Variants in ZNF143 observed in about 807,000 individuals in gnomAD.
The protein encoded by ZNF143 is zinc finger protein 143.
ZNF143 carries 49 observed loss-of-function variants against 74.1 expected under a neutral mutation model. That is an observed-to-expected ratio of 0.66 (90% CI 0.53 to 0.84). ZNF143 has a LOEUF of 0.84. Ranked by LOEUF, ZNF143 falls within the 40% of genes least tolerant of loss-of-function variation. The probability of loss-of-function intolerance (pLI) is 0.00; values close to 1 mark genes in which losing one functional copy is unlikely to be tolerated. For synonymous variants in ZNF143, 304 were observed against 282.8 expected (o/e 1.07, Z -0.75); for missense variants, 637 against 793.4 (o/e 0.80, Z 2.37).
At chr11:9,473,588 T>C (rs1856712936) in intron 3 of ZNF143, among the ~76,000 whole-genome samples, 1 of 152,158 alleles carries the variant, frequency 6.6e-6, no homozygotes, top group South Asian at 2.1e-4. Context: ...TACACTGACA[T>C]AATCTGTCTG....
chr11:9,486,402 T>TATAA (rs1259574052), intron 7 of ZNF143, among the ~76,000 whole-genome samples: 4 of 26,534 alleles, frequency 1.5e-4, no homozygotes, highest in East Asian at 1.9e-3. Context: ...ATATAATATA[T>TATAA]TATATATATA....
At chr11:9,507,106 C>G (rs1258288314) in intron 11 of ZNF143, among the ~76,000 whole-genome samples, 3 of 152,122 alleles carry the variant, frequency 2.0e-5, no homozygotes, top group Non-Finnish European at 4.4e-5. Flanking sequence ...GAAGAAATCG[C>G]CAATTACTTT....
chr11:9,486,396 AATATATTATATATATAATATATATT>A (rs1847507974), intron 7 of ZNF143, among the ~76,000 whole-genome samples: 4 of 11,920 alleles, frequency 3.4e-4, no homozygotes, highest in African/African-American at 8.7e-4. Context: ...TAATATATAT[AATATATTATATATATAATATATATT>A]ATATATATTA....
chr11:9,479,516 T>G lies in ZNF143; in HGVS notation c.615T>G (p.Ile205Met). Residue 205 changes from isoleucine to methionine, a missense_variant, in exon 7 of 16, where the codon ATT (isoleucine) becomes ATG (methionine). Coordinates refer to ENST00000396602, the MANE Select transcript of ZNF143 (RefSeq NM_003442.6). ...GSESVAGTGMIGENEQEKKMQ... is the reference protein window; with the variant it reads ...GSESVAGTGMMGENEQEKKMQ... ...AAAGTGTAGCAGGTACTGGAATGAT[T>G]GGAGAAAATGAGCAAGAGAAAAAAA... 1 of 1,613,408 alleles carries G rather than the reference T, an allele frequency of 6.2e-7. No homozygotes were observed. The highest frequency in any genetic ancestry group is 8.5e-7 in the Non-Finnish European group (1 of 1,179,814).
chr11:9,474,798 A>G (rs1406021340), intron 5 of ZNF143, among the ~76,000 whole-genome samples, 165 bp downstream of exon 5: 1 of 152,266 alleles, frequency 6.6e-6, no homozygotes, highest in East Asian at 1.9e-4. Flanking sequence ...AAATTTTCCT[A>G]CAATTTGAGC....
At chr11:9,461,325 CT>C (rs1855819924) in intron 1 of ZNF143, among the ~76,000 whole-genome samples, 1 of 152,192 alleles carries the variant, frequency 6.6e-6, no homozygotes, top group African/African-American at 2.4e-5. Context: ...CTCCCCCCAG[CT>C]TGTCTCTGAG....
At chr11:9,472,567 G>T in intron 2 of ZNF143, 110 bp from the exon 3 acceptor site, 33 of 907,522 alleles carry the variant, frequency 3.6e-5, no homozygotes, top group Middle Eastern at 3.2e-4. Flanking sequence ...ATCTCATTTT[G>T]AGTCTGAGTT....
At position 9,512,675 on chromosome 11, in the gene ZNF143, G is replaced by C; in HGVS notation, c.1524+79G>C. 5.7e-6 allele frequency: 9 copies of C among 1,570,292 alleles called. No homozygotes were observed. The South Asian group carries it at 1.0e-4, about 18-fold the overall frequency. ...GAAAGGCAGGCTGGGTCCCCATTGA[G>C]GAAAGCTTTGAAATATCAGGGCACA... On this transcript the variant is annotated intron_variant, in intron 13 of 15. Coordinates refer to ENST00000396602, the MANE Select transcript of ZNF143 (RefSeq NM_003442.6).
chr11:9,465,901 T>C (rs1215286793), intron 1 of ZNF143, among the ~76,000 whole-genome samples: 1 of 152,028 alleles, frequency 6.6e-6, no homozygotes, highest in Non-Finnish European at 1.5e-5. Context: ...CACAGCTCAC[T>C]GCAGCCTCTA....
chr11:9,489,738 C>T (rs1302610262), intron 7 of ZNF143, among the ~76,000 whole-genome samples: 1 of 152,198 alleles, frequency 6.6e-6, no homozygotes, highest in Non-Finnish European at 1.5e-5. Context: ...ACTTTCATTT[C>T]ATAGTGCTGT....
chr11:9,486,389 TA>T lies in ZNF143; in HGVS notation c.645+6844del, dbSNP rs1847502136. The stretch of plus-strand genomic sequence containing the variant: ...TATATATAATATATTATATATATAA[TA>T]TATATAATATATTATATATATAATA... On this transcript the variant is annotated intron_variant, in intron 7 of 15. Coordinates refer to ENST00000396602, the MANE Select transcript of ZNF143 (RefSeq NM_003442.6). Among the ~76,000 whole-genome samples, 2 of 18,580 alleles carry T rather than the reference TA, an allele frequency of 1.1e-4. 1 individual carries two copies. Among genetic ancestry groups the T allele is most frequent in the Non-Finnish European group, 2.0e-4 (2 of 9,830 alleles). The allele number at this position is 18,580 out of a possible 152,430, so 12.2% of individuals were successfully genotyped here.
intron 1 of ZNF143, among the ~76,000 whole-genome samples, chr11:9,467,045 C>T (rs1022782139): frequency 6.6e-6 from 1 of 151,728 alleles, no homozygotes; most frequent in Non-Finnish European, 1.5e-5. Context: ...AGGTGCATGC[C>T]ACCGCCTGGT....
At chr11:9,478,281 GTACTCAGAGTAAC>G in intron 5 of ZNF143, 96 bp from the exon 6 acceptor site, 2 of 1,109,208 alleles carry the variant, frequency 1.8e-6, no homozygotes, top group Non-Finnish European at 2.6e-6. Context: ...GCGTGGTCCA[GTACTCAGAGTAAC>G]TACTCAATAA....
rs541992709 is a variant in ZNF143, at chr11:9,462,411, A to T, written c.-8+1335A>T. Among the ~76,000 whole-genome samples, 25 of 152,066 alleles carry T rather than the reference A, an allele frequency of 1.6e-4. No homozygotes were observed. The East Asian group carries it at 1.7e-3, about 11-fold the overall frequency. ...GCCCTCCCATGTTTCTACAAAAAAA[A>T]TTTTTTTTAAGTGAAATCAGCGTGT... On this transcript the variant is annotated intron_variant, in intron 1 of 15. Coordinates refer to ENST00000396602, the MANE Select transcript of ZNF143 (RefSeq NM_003442.6).
intron 1 of ZNF143, among the ~76,000 whole-genome samples, chr11:9,462,912 G>C (rs763190606): frequency 1.3e-5 from 2 of 152,044 alleles, no homozygotes; most frequent in Admixed American, 1.3e-4. Flanking sequence ...TCAGAGTTGC[G>C]CAGCCATCAC....
At chr11:9,474,774 C>G in intron 5 of ZNF143, 141 bp downstream of exon 5, 2 of 944,892 alleles carry the variant, frequency 2.1e-6, no homozygotes, top group East Asian at 2.6e-5. Flanking sequence ...CAGATTTAAG[C>G]ATGATTTAAG....
intron 11 of ZNF143, among the ~76,000 whole-genome samples, chr11:9,505,618 C>T (rs1190547105): frequency 6.6e-6 from 1 of 152,054 alleles, no homozygotes; most frequent in Non-Finnish European, 1.5e-5. Context: ...TGGTGGCTCA[C>T]ACCTGTAATC....
In ZNF143 at chr11:9,504,295, ATCT is replaced by A. The variant is rs1464242519; in HGVS notation, c.1147+3030_1147+3032del. 2.0e-5 allele frequency among the ~76,000 whole-genome samples: 2 copies of A among 98,610 alleles called. 1 individual carries two copies. The highest frequency in any genetic ancestry group is 5.9e-4 in the East Asian group (2 of 3,416). 64.7% of individuals were successfully genotyped at this position (98,610 alleles called of 152,430 possible). ...TTATGTATTTATTAGCCATGTGTAT[ATCT>A]TCTTTGGAGAAATGTCTATTCAAAT... is the stretch of plus-strand genomic sequence containing the variant. On this transcript the variant is annotated intron_variant, in intron 11 of 15. Coordinates refer to ENST00000396602, the MANE Select transcript of ZNF143 (RefSeq NM_003442.6).
intron 5 of ZNF143, among the ~76,000 whole-genome samples, chr11:9,475,936 G>A (rs1287917425): frequency 4.6e-5 from 7 of 151,602 alleles, no homozygotes; most frequent in South Asian, 4.2e-4. Context: ...GTGTGTGTGT[G>A]TGTGTGTGTG....
Sources: allele counts gnomAD v4.1 joint callset (sites outside exome capture counted in the v4.1 genomes callset), GRCh38; gene constraint gnomAD v4.1.1; transcripts MANE v1.5; gene names NCBI Gene and HGNC (gene_info 2026-07-23, HGNC 2026-07-21).